FARS2: variants seen among roughly 807,000 people sequenced by gnomAD.
The protein encoded by FARS2 is phenylalanyl-tRNA synthetase 2, mitochondrial.
In FARS2, 40 loss-of-function variants were observed where a neutral mutation model predicts 46.4. The observed-to-expected ratio is 0.86, with a 90% confidence interval of 0.67 to 1.12. FARS2 has a LOEUF of 1.12. Ranked by LOEUF, FARS2 falls within the 50% of genes most tolerant of loss-of-function variation. The pLI, the probability that FARS2 is intolerant of heterozygous loss-of-function variation, is 0.00. For missense variants in FARS2, 513 were observed against 567.9 expected, an observed-to-expected ratio of 0.90 and a Z score of 0.98; for synonymous variants, 234 against 214.9, an observed-to-expected ratio of 1.09 and a Z score of -0.78.
At chr6:5,352,637 ACT>A (rs770067635) in intron 1 of FARS2, among the ~76,000 whole-genome samples, 1 of 151,124 alleles carries the variant, frequency 6.6e-6, no homozygotes, top group Non-Finnish European at 1.5e-5. Flanking sequence ...GGTTGATCTA[ACT>A]CATCTCTCAG....
chr6:5,524,278 A>G (rs1769328854), intron 4 of FARS2, among the ~76,000 whole-genome samples: 1 of 152,214 alleles, frequency 6.6e-6, no homozygotes, highest in South Asian at 2.1e-4. Flanking sequence ...TCAAGGATGA[A>G]GGGCATATGT....
intron 1 of FARS2, chr6:5,291,452 A>G (rs919153044): frequency 2.6e-5 from 4 of 152,242 alleles, no homozygotes; most frequent in African/African-American, 9.6e-5. Context: ...GGTGATCCCA[A>G]CTTCCTAAAC....
rs533654861 is a variant in FARS2, at chr6:5,511,945, A to G, written c.905-33235A>G. On this transcript the variant is annotated intron_variant, in intron 4 of 6. Coordinates refer to ENST00000274680, the MANE Select transcript of FARS2 (RefSeq NM_006567.5). ...AGAACTTTTCACATATAAAGGTTCA[A>G]CAAGTTTCAGATCCATCTAAATAAA... Among the ~76,000 whole-genome samples, 6 of 152,358 alleles carry G rather than the reference A, an allele frequency of 3.9e-5. No homozygotes were observed. The East Asian group carries it at 5.8e-4, about 15-fold the overall frequency.
intron 6 of FARS2, among the ~76,000 whole-genome samples, chr6:5,689,504 C>T (rs1267818549): frequency 1.2e-4 from 18 of 151,988 alleles, no homozygotes; most frequent in East Asian, 3.9e-4. Flanking sequence ...TGTAGTTGAG[C>T]GGTTTTGAGT....
Position 5,505,599 on chromosome 6 carries a change from C to T in FARS2, c.905-39581C>T, listed in dbSNP as rs143470899. Among the ~76,000 whole-genome samples the T allele has an allele frequency of 9.6e-3, 1,464 of 152,322 alleles. 19 individuals carry two copies. Among genetic ancestry groups the T allele is most frequent in the African/African-American group, 0.032 (1,350 of 41,576 alleles). ...ATGTCCATAAAATCTTCACAATCCA[C>T]GTTCTTCTGCCATGGCTTCAGCTGA... is the stretch of plus-strand genomic sequence containing the variant. On this transcript the variant is annotated intron_variant, in intron 4 of 6. Coordinates refer to ENST00000274680, the MANE Select transcript of FARS2 (RefSeq NM_006567.5).
intron 1 of FARS2, among the ~76,000 whole-genome samples, chr6:5,352,032 T>C (rs1757607819): frequency 6.6e-6 from 1 of 152,208 alleles, no homozygotes; most frequent in South Asian, 2.1e-4. Flanking sequence ...ATCAGGCTTG[T>C]TCAGCCCGTG....
intron 4 of FARS2, among the ~76,000 whole-genome samples, chr6:5,480,098 T>C (rs1014536935): frequency 2.6e-5 from 4 of 152,238 alleles, no homozygotes; most frequent in African/African-American, 9.6e-5. Flanking sequence ...ACGATTTTTA[T>C]CAACGACTTT....
chr6:5,318,824 A>G (rs904517815), intron 1 of FARS2, among the ~76,000 whole-genome samples: 1 of 152,094 alleles, frequency 6.6e-6, no homozygotes, highest in African/African-American at 2.4e-5. Flanking sequence ...GAGGGGACCA[A>G]TCAGAGGTAC....
intron 4 of FARS2, among the ~76,000 whole-genome samples, chr6:5,446,635 T>G (rs180923854): frequency 6.6e-5 from 10 of 152,306 alleles, no homozygotes; most frequent in African/African-American, 2.4e-4. Flanking sequence ...TGTGCAAAGC[T>G]TCATACTTGG....
At chr6:5,294,930 A>G (rs761047010) in intron 1 of FARS2, among the ~76,000 whole-genome samples, 1 of 152,168 alleles carries the variant, frequency 6.6e-6, no homozygotes, top group Non-Finnish European at 1.5e-5. Flanking sequence ...AAGACCCACT[A>G]TCAGAAAGCT....
the FARS2 span, among the ~76,000 whole-genome samples, chr6:5,251,216 A>G: frequency 6.6e-6 from 1 of 152,224 alleles, no homozygotes; most frequent in Non-Finnish European, 1.5e-5. Context: ...AAATATTAGG[A>G]AGAAATGGAT....
rs1758848715 is a variant in FARS2, at chr6:5,368,864, C to T, written c.294C>T (p.Tyr98=). The T allele has an allele frequency of 6.2e-7, 1 of 1,614,020 alleles. No individual in the cohort carries two copies. Among genetic ancestry groups the T allele is most frequent in the South Asian group, 1.1e-5 (1 of 91,070 alleles). Residue 98 remains tyrosine (Y), a synonymous_variant, in exon 2 of 7, where the codon TAC becomes TAT. Coordinates refer to ENST00000274680, the MANE Select transcript of FARS2 (RefSeq NM_006567.5). ...AGGAGAGGGTGAAGGAGCACTTCTA[C>T]AAGCAGTATGTGGGCCGCTTTGGGA... ...LIKERVKEHF[Y]KQYVGRFGTP...
chr6:5,255,855 CAAAT>C, the FARS2 span, among the ~76,000 whole-genome samples: 1 of 152,158 alleles, frequency 6.6e-6, no homozygotes. Flanking sequence ...CAGATATTGT[CAAAT>C]AAAATCACCC....
At chr6:5,686,107 A>C (rs144266361) in intron 6 of FARS2, among the ~76,000 whole-genome samples, 1 of 152,260 alleles carries the variant, frequency 6.6e-6, no homozygotes, top group East Asian at 1.9e-4. Flanking sequence ...ATTTCTTAGC[A>C]CAGTGCCTGG....
intron 6 of FARS2, among the ~76,000 whole-genome samples, chr6:5,685,734 C>G (rs909716862): frequency 1.3e-5 from 2 of 152,140 alleles, no homozygotes; most frequent in Non-Finnish European, 2.9e-5. Context: ...CTTGGACCAG[C>G]TACCATAGGC....
At chr6:5,531,592 A>G (rs73719631) in intron 4 of FARS2, among the ~76,000 whole-genome samples, 2,080 of 152,296 alleles carry the variant, frequency 0.014, 46 homozygotes, top group African/African-American at 0.045. Flanking sequence ...GCTCTGTACC[A>G]TGAAAAGCTT....
At chr6:5,492,690 G>A (rs1767195810) in intron 4 of FARS2, among the ~76,000 whole-genome samples, 1 of 152,208 alleles carries the variant, frequency 6.6e-6, no homozygotes, top group Non-Finnish European at 1.5e-5. Context: ...ACCATGTTCT[G>A]GGCCTAGTAT....
intron 4 of FARS2, among the ~76,000 whole-genome samples, chr6:5,517,586 T>C (rs891821053): frequency 1.3e-5 from 2 of 150,468 alleles, no homozygotes; most frequent in African/African-American, 4.9e-5. Flanking sequence ...CACTCCAGCC[T>C]GGGAGACAAG....
chr6:5,516,404 A>G (rs1415404771), intron 4 of FARS2, among the ~76,000 whole-genome samples: 1 of 152,202 alleles, frequency 6.6e-6, no homozygotes, highest in Non-Finnish European at 1.5e-5. Flanking sequence ...TTGCAATAGT[A>G]TAGGTTCTCT....
Sources: gnomAD v4.1 joint callset for allele counts (sites outside exome capture counted in the v4.1 genomes callset) on GRCh38, gnomAD v4.1.1 for gene constraint, MANE v1.5 for transcripts, NCBI Gene and HGNC (gene_info 2026-07-23, HGNC 2026-07-21) for gene names.